Variants in ZNF385D observed in about 807,000 individuals in gnomAD.
ZNF385D encodes the protein zinc finger protein 385D, also known as zinc finger protein 659.
In ZNF385D, 15 loss-of-function variants were observed where a neutral mutation model predicts 35.8. The observed-to-expected ratio is 0.42, with a 90% CI of 0.28 to 0.64. The LOEUF (loss-of-function observed/expected upper bound fraction) is 0.64. Among genes scored for constraint, ZNF385D ranks in the 30% least tolerant of loss-of-function variants. ZNF385D has a pLI of 0.23. For missense variants in ZNF385D, 474 were observed against 494.6 expected (o/e 0.96, Z 0.39); for synonymous variants, 212 against 186.8 (o/e 1.13, Z -1.10).
intron 3 of ZNF385D, among the ~76,000 whole-genome samples, chr3:21,814,204 A>C (rs9840768): frequency 6.6e-6 from 1 of 152,020 alleles, no homozygotes; most frequent in African/African-American, 2.4e-5. Flanking sequence ...AGGAAGCACT[A>C]AACATGGAAA....
chr3:21,583,188 G>A (rs904604360), intron 2 of ZNF385D, among the ~76,000 whole-genome samples: 13 of 152,160 alleles, frequency 8.5e-5, no homozygotes, highest in East Asian at 1.9e-4. Flanking sequence ...CTATAAAAAC[G>A]AAAATATAAA....
At chr3:21,848,847 ACT>A (rs1696188641) in intron 3 of ZNF385D, among the ~76,000 whole-genome samples, 1 of 152,024 alleles carries the variant, frequency 6.6e-6, no homozygotes, top group Admixed American at 6.6e-5. Flanking sequence ...TCTTACATAG[ACT>A]CTAAACGTGC....
chr3:22,158,593 G>T (rs1705740187), intron 3 of ZNF385D, among the ~76,000 whole-genome samples: 1 of 151,008 alleles, frequency 6.6e-6, no homozygotes, highest in South Asian at 2.1e-4. Context: ...ATTACTTTCT[G>T]ATCTCTCCTT....
At chr3:21,984,929 T>C (rs991021434) in intron 3 of ZNF385D, among the ~76,000 whole-genome samples, 3 of 148,638 alleles carry the variant, frequency 2.0e-5, no homozygotes, top group African/African-American at 4.9e-5. Context: ...TTTGAAGCAA[T>C]TGTGAATGGG....
At chr3:21,889,907 G>A (rs1037542773) in intron 3 of ZNF385D, among the ~76,000 whole-genome samples, 1 of 152,090 alleles carries the variant, frequency 6.6e-6, no homozygotes, top group African/African-American at 2.4e-5. Flanking sequence ...TTTGGCTTGT[G>A]TCAGTAAGTC....
At chr3:21,599,955 G>A (rs1222288464) in intron 2 of ZNF385D, among the ~76,000 whole-genome samples, 1 of 152,154 alleles carries the variant, frequency 6.6e-6, no homozygotes, top group Non-Finnish European at 1.5e-5. Flanking sequence ...CGGGATACAG[G>A]TCATAAAGAC....
chr3:21,562,812 TTTATGTA>T (rs1395263926), intron 3 of ZNF385D, among the ~76,000 whole-genome samples: 1 of 114,626 alleles, frequency 8.7e-6, no homozygotes, highest in Admixed American at 9.5e-5. Context: ...AGAACTCTTA[TTTATGTA>T]TTAAGAGGAC....
At chr3:21,979,258 A>C (rs1043258430) in intron 3 of ZNF385D, among the ~76,000 whole-genome samples, 1 of 152,080 alleles carries the variant, frequency 6.6e-6, no homozygotes, top group African/African-American at 2.4e-5. Context: ...CAGAAGGGGG[A>C]AAAAAACCCA....
intron 3 of ZNF385D, among the ~76,000 whole-genome samples, chr3:21,906,194 C>A (rs1699676371): frequency 6.6e-6 from 1 of 152,122 alleles, no homozygotes; most frequent in Non-Finnish European, 1.5e-5. Context: ...TTCAAAGTAC[C>A]TACTATTTTG....
chr3:21,681,619 G>C (rs577648262), intron 1 of ZNF385D, among the ~76,000 whole-genome samples: 5 of 148,524 alleles, frequency 3.4e-5, no homozygotes, highest in African/African-American at 1.2e-4. Context: ...CAGAACAATA[G>C]AGCTGCATAT....
At chr3:21,519,461 C>T (rs562354922) in intron 3 of ZNF385D, among the ~76,000 whole-genome samples, 1 of 152,230 alleles carries the variant, frequency 6.6e-6, no homozygotes, top group East Asian at 1.9e-4. Flanking sequence ...GTGAGGGAAG[C>T]TAATTTGAGA....
intron 3 of ZNF385D, among the ~76,000 whole-genome samples, chr3:21,532,194 T>G (rs74356790): frequency 8.0e-4 from 122 of 152,094 alleles, no homozygotes; most frequent in African/African-American, 2.9e-3. Context: ...GAGGGAAGGT[T>G]TAGAATTAGG....
chr3:22,311,476 A>AT (rs569894258), intron 2 of ZNF385D, among the ~76,000 whole-genome samples: 8 of 151,940 alleles, frequency 5.3e-5, no homozygotes, highest in African/African-American at 1.9e-4. Flanking sequence ...GTTTTTATTT[A>AT]TTTTTAAATA....
chr3:22,017,723 A>G (rs1696977803), intron 3 of ZNF385D, among the ~76,000 whole-genome samples: 1 of 151,948 alleles, frequency 6.6e-6, no homozygotes, highest in Admixed American at 6.6e-5. Context: ...AATTTATAAC[A>G]TATTTCTCCT....
chr3:22,140,326 T>A (rs1362987607), intron 3 of ZNF385D, among the ~76,000 whole-genome samples: 1 of 152,146 alleles, frequency 6.6e-6, no homozygotes, highest in Non-Finnish European at 1.5e-5. Context: ...TCTGGAAGAA[T>A]AACATTATAT....
At chr3:21,897,288 T>C (rs528103684) in intron 3 of ZNF385D, among the ~76,000 whole-genome samples, 12 of 152,260 alleles carry the variant, frequency 7.9e-5, no homozygotes, top group African/African-American at 2.6e-4. Flanking sequence ...GATTAATACA[T>C]TGCCTGGGTG....
chr3:22,136,175 G>A (rs1479592041), intron 3 of ZNF385D, among the ~76,000 whole-genome samples: 2 of 152,136 alleles, frequency 1.3e-5, no homozygotes, highest in Non-Finnish European at 2.9e-5. Context: ...CCTGAGCTCA[G>A]GAGTTTGAGA....
rs527990305 is a variant in ZNF385D at position 21,475,456 on chromosome 3, T to C, written c.439+35405A>G. ...TATTTGATTTTTGTTTTGAGAAATTTTGGGATTCGATATACATTTTAAAAT... is the reference window on the plus strand; with the variant it reads ...TATTTGATTTTTGTTTTGAGAAATTCTGGGATTCGATATACATTTTAAAAT... On this transcript the variant is annotated intron_variant, in intron 4 of 7. Transcript: ENST00000281523. Among the ~76,000 whole-genome samples the C allele has an allele frequency of 4.6e-5, 7 of 152,220 alleles. No individual in the cohort carries two copies. In the East Asian group the frequency reaches 9.6e-4, roughly 21 times the overall value.
At chr3:21,547,434 T>C (rs560246245) in intron 3 of ZNF385D, among the ~76,000 whole-genome samples, 35 of 152,042 alleles carry the variant, frequency 2.3e-4, no homozygotes, top group African/African-American at 8.0e-4. Flanking sequence ...CTTCAGGACA[T>C]CAAACTCCAA....
Sources: allele counts gnomAD v4.1 joint callset (sites outside exome capture counted in the v4.1 genomes callset), GRCh38; gene constraint gnomAD v4.1.1; transcripts MANE v1.5; gene names NCBI Gene and HGNC (gene_info 2026-07-23, HGNC 2026-07-21).